RAI14: variants seen among roughly 807,000 people sequenced by gnomAD.
The protein encoded by RAI14 is ankycorbin.
RAI14 carries 45 observed loss-of-function variants against 115.4 expected under a neutral mutation model. The observed-to-expected ratio is 0.39, with a 90% confidence interval of 0.31 to 0.50. The LOEUF (loss-of-function observed/expected upper bound fraction) is 0.50. RAI14 is among the 20% of genes least tolerant of loss of function. RAI14 has a pLI of 0.85. For missense variants in RAI14, 939 were observed against 1,131.2 expected, an observed-to-expected ratio of 0.83 and a Z score of 2.44; for synonymous variants, 371 against 415.4, an observed-to-expected ratio of 0.89 and a Z score of 1.30.
chr5:34,744,268 T>C (rs1162034143), intron 2 of RAI14, among the ~76,000 whole-genome samples: 2 of 152,220 alleles, frequency 1.3e-5, no homozygotes, highest in Non-Finnish European at 2.9e-5. Context: ...TTTGAGTAGA[T>C]CAAATCCTAT....
At chr5:34,805,730 A>G (rs1486545938) in intron 5 of RAI14, among the ~76,000 whole-genome samples, 1 of 152,074 alleles carries the variant, frequency 6.6e-6, no homozygotes, top group East Asian at 1.9e-4. Context: ...AATCCCAGCT[A>G]CTCGAGAGGC....
chr5:34,741,223 A>C (rs1266754661), intron 2 of RAI14, among the ~76,000 whole-genome samples: 1 of 152,246 alleles, frequency 6.6e-6, no homozygotes, highest in Non-Finnish European at 1.5e-5. Flanking sequence ...TCTGCCATTA[A>C]GTACAATCTG....
intron 1 of RAI14, among the ~76,000 whole-genome samples, chr5:34,685,990 G>C (rs770208972): frequency 2.1e-4 from 32 of 152,144 alleles, no homozygotes; most frequent in Admixed American, 3.3e-4. Context: ...ATTTGATGAG[G>C]GAGGTTTTGT....
chr5:34,686,864 C>T lies in RAI14; in HGVS notation c.-48-8C>T, dbSNP rs1251556013. The T allele has an allele frequency of 7.1e-6, 11 of 1,560,106 alleles. No homozygotes were observed. Among genetic ancestry groups the T allele is most frequent in the South Asian group, 3.4e-5 (3 of 87,736 alleles). On this transcript the variant is annotated splice_polypyrimidine_tract_variant and splice_region_variant and intron_variant, in intron 1 of 17. Coordinates refer to ENST00000265109, the MANE Select transcript of RAI14 (RefSeq NM_015577.3). ...AAACCTACATATGTCCTTTTTTTCTCTGCTTAGGTGTTGAAAAGTCTCCTC... is the reference window on the plus strand; with the variant it reads ...AAACCTACATATGTCCTTTTTTTCTTTGCTTAGGTGTTGAAAAGTCTCCTC...
chr5:34,830,290 T>C (rs1757902441), intron 17 of RAI14, among the ~76,000 whole-genome samples: 1 of 152,136 alleles, frequency 6.6e-6, no homozygotes, highest in South Asian at 2.1e-4. Context: ...CACCCTCCCA[T>C]CATTTATTGA....
At chr5:34,779,900 C>T (rs182872994) in intron 3 of RAI14, among the ~76,000 whole-genome samples, 203 of 152,264 alleles carry the variant, frequency 1.3e-3, no homozygotes, top group Non-Finnish European at 2.4e-3. Flanking sequence ...CAAAAAAGAG[C>T]CTGCATTGCC....
At chr5:34,774,880 A>C (rs1041122023) in intron 3 of RAI14, among the ~76,000 whole-genome samples, 1 of 152,210 alleles carries the variant, frequency 6.6e-6, no homozygotes, top group African/African-American at 2.4e-5. Context: ...CTACAGAGCT[A>C]TAGTAACTAA....
chr5:34,802,528 C>G (rs913237030), intron 4 of RAI14, among the ~76,000 whole-genome samples: 3 of 152,074 alleles, frequency 2.0e-5, no homozygotes, highest in Non-Finnish European at 4.4e-5. Context: ...TCCCCCCATC[C>G]AGACATTTGA....
chr5:34,764,097 C>T (rs925472836), intron 3 of RAI14, among the ~76,000 whole-genome samples: 12 of 152,148 alleles, frequency 7.9e-5, no homozygotes, highest in South Asian at 2.1e-4. Context: ...GTGATCTGCC[C>T]GCCTTGGCCT....
chr5:34,695,555 A>G (rs1416677929), intron 2 of RAI14, among the ~76,000 whole-genome samples: 1 of 151,434 alleles, frequency 6.6e-6, no homozygotes, highest in Non-Finnish European at 1.5e-5. Flanking sequence ...TAAAATACAC[A>G]CTAAATTTCA....
chr5:34,725,507 G>A (rs1743331619), intron 2 of RAI14, among the ~76,000 whole-genome samples: 1 of 151,854 alleles, frequency 6.6e-6, no homozygotes, highest in African/African-American at 2.4e-5. Flanking sequence ...CTTCCCTCTT[G>A]GTAGGCAAAT....
chr5:34,710,758 T>C (rs1579986816), intron 2 of RAI14, among the ~76,000 whole-genome samples: 1 of 152,164 alleles, frequency 6.6e-6, no homozygotes, highest in East Asian at 1.9e-4. Flanking sequence ...AGGTGATTCT[T>C]ATCAATGAGT....
rs1757986260 is a variant in RAI14, at chr5:34,831,054, C to T, written c.*289C>T. ...GGTCCTGATGCTGGCAGGGGGGCCC[C>T]CTCCTCCATCCCTGACTGGCTGAGT... On this transcript the variant is annotated 3_prime_UTR_variant, in exon 18 of 18. Transcript: ENST00000265109. The T allele has an allele frequency of 5.6e-6, 2 of 359,248 alleles. No homozygotes were observed. The highest frequency in any genetic ancestry group is 9.9e-6 in the Non-Finnish European group (2 of 201,658). The allele number at this position is 359,248 out of a possible 1,614,324, so 22.3% of individuals were successfully genotyped here.
intron 1 of RAI14, among the ~76,000 whole-genome samples, chr5:34,662,889 C>T (rs142023621): frequency 0.02 from 3,065 of 151,834 alleles, 56 homozygotes; most frequent in East Asian, 0.11. Flanking sequence ...CCACCATGCC[C>T]GGCTGATTTT....
intron 12 of RAI14, among the ~76,000 whole-genome samples, chr5:34,816,282 T>TA (rs1460304652): frequency 6.6e-6 from 1 of 152,156 alleles, no homozygotes; most frequent in Non-Finnish European, 1.5e-5. Context: ...AAAGTTTTTT[T>TA]AAAAAGAGAC....
At chr5:34,697,014 C>G (rs1739332799) in intron 2 of RAI14, among the ~76,000 whole-genome samples, 2 of 152,068 alleles carry the variant, frequency 1.3e-5, no homozygotes, top group South Asian at 4.2e-4. Flanking sequence ...ACCTGTAGTC[C>G]CAGCTACTCA....
At chr5:34,661,707 G>A (rs188198367) in intron 1 of RAI14, among the ~76,000 whole-genome samples, 1 of 152,238 alleles carries the variant, frequency 6.6e-6, no homozygotes, top group East Asian at 1.9e-4. Flanking sequence ...TTCCTTTTGT[G>A]ATAACCTGGT....
rs112460539 is a variant in RAI14 at position 34,704,929 on chromosome 5, A to G, written c.36+17974A>G. 8.7e-3 allele frequency among the ~76,000 whole-genome samples: 1,320 copies of G among 152,226 alleles called. 15 individuals carry two copies. The highest frequency in any genetic ancestry group is 0.031 in the African/African-American group (1,269 of 41,528). ...CATGTGTCTGTCTAGCATGTAAAATATGGCTAGAGCTACTAAGGAACTGAA... is the reference window on the plus strand; with the variant it reads ...CATGTGTCTGTCTAGCATGTAAAATGTGGCTAGAGCTACTAAGGAACTGAA... On this transcript the variant is annotated intron_variant, in intron 2 of 17. Transcript: ENST00000265109.
At chr5:34,752,572 C>T (rs952700209) in intron 2 of RAI14, among the ~76,000 whole-genome samples, 3 of 151,792 alleles carry the variant, frequency 2.0e-5, no homozygotes, top group South Asian at 4.2e-4. Context: ...AGAGGGCCCG[C>T]GGGGCTTGAG....
Sources: allele counts gnomAD v4.1 joint callset (sites outside exome capture counted in the v4.1 genomes callset), GRCh38; gene constraint gnomAD v4.1.1; transcripts MANE v1.5; gene names NCBI Gene and HGNC (gene_info 2026-07-23, HGNC 2026-07-21).